The following CD164 variants were observed in gnomAD, a reference collection of about 807,000 sequenced individuals.
CD164 encodes CD164 molecule, also known as sialomucin core protein 24.
In CD164, 11 loss-of-function variants were observed where a neutral mutation model predicts 24.6. That is an observed-to-expected ratio of 0.45 (90% CI 0.28 to 0.74). CD164 has a LOEUF of 0.74. Among genes scored for constraint, CD164 ranks in the 30% least tolerant of loss-of-function variants. CD164 has a pLI of 0.13. For synonymous variants in CD164, 126 were observed against 100.3 expected (o/e 1.26, Z -1.53); for missense variants, 295 against 243.7 (o/e 1.21, Z -1.40).
At position 109,376,784 on chromosome 6, in the gene CD164, T is replaced by C. The variant is rs1771434260; in HGVS notation, c.332-672A>G. Among the ~76,000 whole-genome samples the C allele has an allele frequency of 2.0e-5, 3 of 152,230 alleles. No individual in the cohort carries two copies. The South Asian group carries it at 6.2e-4, about 32-fold the overall frequency. ...TCATTAATCTTGTCTCTAAGCAATATTACAAAACCACAGGTCTGACAGTTA... is the reference window on the plus strand; with the variant it reads ...TCATTAATCTTGTCTCTAAGCAATACTACAAAACCACAGGTCTGACAGTTA... On this transcript the variant is annotated intron_variant, in intron 3 of 5. Coordinates refer to ENST00000310786, the MANE Select transcript of CD164 (RefSeq NM_006016.6).
chr6:109,377,837 T>G (rs1294203590), intron 3 of CD164, 63 bp downstream of exon 3: 1 of 1,191,906 alleles, frequency 8.4e-7, no homozygotes. Context: ...CAAGGCTTTC[T>G]GAGGCAATGA....
intron 2 of CD164, among the ~76,000 whole-genome samples, chr6:109,378,204 T>A (rs1771530192): frequency 6.6e-6 from 1 of 152,192 alleles, no homozygotes; most frequent in Admixed American, 6.5e-5. Context: ...CCATTAAAAA[T>A]CCACATTAAT....
At position 109,382,277 on chromosome 6, in the gene CD164, C is replaced by T; in HGVS notation, c.102G>A (p.Thr34=). 2 of 1,588,366 alleles carry T rather than the reference C, an allele frequency of 1.3e-6. No individual in the cohort carries two copies. The highest frequency in any genetic ancestry group is 2.3e-5 in the East Asian group (1 of 43,602). ...TTACGTTGGAGATGGGCGCTAAAGTCGTCACGTTCGGGTGCTGGGTCGTGT... is the reference window on the plus strand; with the variant it reads ...TTACGTTGGAGATGGGCGCTAAAGTTGTCACGTTCGGGTGCTGGGTCGTGT... ...DKNTTQHPNV[T]TLAPISNVTS... Residue 34 remains threonine (T), a synonymous_variant, in exon 1 of 6, where the codon ACG becomes ACA. Transcript: ENST00000310786.
In CD164 at chr6:109,377,955, T is replaced by G. The variant is rs556025572; in HGVS notation, c.276A>C (p.Ser92=). The part of the protein sequence containing the change: ...WIECKDESYC[S]HNSTVSDCQV... ...GACAATCACTAACTGTTGAGTTATGTGAACAATAGCTCTCATCTGTTGGGG... is the reference window on the plus strand; with the variant it reads ...GACAATCACTAACTGTTGAGTTATGGGAACAATAGCTCTCATCTGTTGGGG... The change falls in exon 3 of 6, where the codon TCA becomes TCC. Residue 92 remains serine (S), a synonymous_variant. Transcript: ENST00000310786. 2 of 1,613,424 alleles carry G rather than the reference T, an allele frequency of 1.2e-6. No individual in the cohort carries two copies. Among genetic ancestry groups the G allele is most frequent in the Admixed American group, 3.3e-5 (2 of 60,000 alleles).
intron 1 of CD164, among the ~76,000 whole-genome samples, chr6:109,380,911 C>G (rs776790576): frequency 1.3e-5 from 2 of 152,224 alleles, no homozygotes; most frequent in Non-Finnish European, 2.9e-5. Flanking sequence ...TATTATACTG[C>G]AATTTACTTC....
chr6:109,369,274 A>C (rs1229433266), intron 5 of CD164, among the ~76,000 whole-genome samples: 1 of 152,224 alleles, frequency 6.6e-6, no homozygotes, highest in Non-Finnish European at 1.5e-5. Flanking sequence ...CCTAGTACAT[A>C]AATTGTGCCC....
intron 4 of CD164, among the ~76,000 whole-genome samples, chr6:109,375,472 T>C (rs959278182): frequency 2.0e-4 from 31 of 151,620 alleles, no homozygotes; most frequent in African/African-American, 6.8e-4. Flanking sequence ...CAAAAATTAG[T>C]TGGGCATGAT....
chr6:109,377,882 GCCAATATGAA>G lies in CD164; in HGVS notation c.331+8_331+17del, dbSNP rs748825585. The G allele has an allele frequency of 6.2e-7, 1 of 1,602,152 alleles. No homozygotes were observed. The highest frequency in any genetic ancestry group is 1.1e-5 in the South Asian group (1 of 90,846). ...CCTCTCTGCGGTCAGCTTCCAAGCA[GCCAATATGAA>G]TACTTACCGGAACAGAAGTCTGTCG... On this transcript the variant is annotated splice_region_variant and intron_variant, in intron 3 of 5. Coordinates refer to ENST00000310786, the MANE Select transcript of CD164 (RefSeq NM_006016.6).
intron 1 of CD164, chr6:109,381,777 GAAC>G (rs1771765226): frequency 3.5e-6 from 2 of 574,066 alleles, no homozygotes; most frequent in African/African-American, 3.8e-5. Flanking sequence ...CCGGGAGGGT[GAAC>G]AACCAGTGGC....
rs145666240 is a variant in CD164, at chr6:109,375,880, T to C, written c.370+194A>G. The C allele has an allele frequency of 0.013, 6,858 of 534,822 alleles. 64 individuals are homozygous for C. Among genetic ancestry groups the C allele is most frequent in the Non-Finnish European group, 0.015 (4,731 of 311,082 alleles). The allele number at this position is 534,822 out of a possible 1,614,324, so 33.1% of individuals were successfully genotyped here. ...AGCAAATCTGCTCACATTCACCGAC[T>C]ATAAAACACTGGAGCTATGTGTCAC... is the stretch of plus-strand genomic sequence containing the variant. On this transcript the variant is annotated intron_variant, in intron 4 of 5. Coordinates refer to ENST00000310786, the MANE Select transcript of CD164 (RefSeq NM_006016.6).
intron 1 of CD164, 86 bp from the exon 2 acceptor site, chr6:109,379,748 T>G: frequency 1.0e-6 from 1 of 982,070 alleles, no homozygotes; most frequent in Non-Finnish European, 1.6e-6. Context: ...TTTTGAACAA[T>G]AAGCATTACA....
chr6:109,368,740 T>G lies in CD164; in HGVS notation c.*111A>C, dbSNP rs1007818008. 2.8e-6 allele frequency: 4 copies of G among 1,446,906 alleles called. No homozygotes were observed. The highest frequency in any genetic ancestry group is 3.6e-6 in the Non-Finnish European group (4 of 1,103,410). The allele number at this position is 1,446,906 out of a possible 1,614,324, so 89.6% of individuals were successfully genotyped here. ...ACATCCTATATGCATCCATGGAAAT[T>G]TAAAGATCCTGGAATAGCGTCTTCC... On this transcript the variant is annotated 3_prime_UTR_variant, in exon 6 of 6. Transcript: ENST00000310786.
At chr6:109,377,804 A>G (rs1771498675) in intron 3 of CD164, 96 bp downstream of exon 3, 1 of 822,838 alleles carries the variant, frequency 1.2e-6, no homozygotes, top group South Asian at 1.4e-5. Context: ...AATTATGGCA[A>G]TGCTTCAAAC....
intron 4 of CD164, among the ~76,000 whole-genome samples, chr6:109,375,576 C>T (rs1490410349): frequency 6.9e-6 from 1 of 145,646 alleles, no homozygotes; most frequent in East Asian, 2.0e-4. Context: ...GAGATCGTAC[C>T]ACTGCACTCC....
At chr6:109,369,073 A>T (rs532659093) in intron 5 of CD164, 56 bp from the exon 6 acceptor site, 7 of 1,461,884 alleles carry the variant, frequency 4.8e-6, no homozygotes, top group Middle Eastern at 3.5e-4. Flanking sequence ...CTCTATTGTA[A>T]TTTAAAGATG....
intron 2 of CD164, 22 bp downstream of exon 2, chr6:109,379,557 T>G: frequency 6.5e-7 from 1 of 1,545,694 alleles, no homozygotes. Context: ...CAAAACAGTT[T>G]TGCATCCCCA....
rs1299896354 is a variant in CD164 at position 109,368,952 on chromosome 6, TG to T, written c.492del (p.Ser165ValfsTer15). On this transcript the variant is annotated frameshift_variant, in exon 6 of 6. Transcript: ENST00000310786. LOFTEE classifies it high-confidence loss of function. Reference protein sequence around the residue: ...QPVRKSTFDAASFIGGIVLVL... With the variant: ...QPVRKSTFDAXSFIGGIVLVL... ...ACCAGGACAATTCCTCCAATGAAAC[TG>T]GCTGCATCAAAGGTAGACTTTCGCA... is the stretch of plus-strand genomic sequence containing the variant. 6.2e-7 allele frequency: 1 copy of T among 1,613,846 alleles called. No individual in the cohort carries two copies. Among genetic ancestry groups the T allele is most frequent in the Non-Finnish European group, 8.5e-7 (1 of 1,179,912 alleles).
At chr6:109,369,294 A>C (rs2115140766) in intron 5 of CD164, among the ~76,000 whole-genome samples, 1 of 152,356 alleles carries the variant, frequency 6.6e-6, no homozygotes, top group Non-Finnish European at 1.5e-5. Flanking sequence ...CTGGGAATGT[A>C]TCAAACACTT....
intron 1 of CD164, among the ~76,000 whole-genome samples, chr6:109,380,998 A>G (rs1165713971): frequency 1.3e-5 from 2 of 152,232 alleles, no homozygotes; most frequent in Non-Finnish European, 2.9e-5. Flanking sequence ...ACTTTATTAA[A>G]CTTTTATAAA....
Sources: allele counts gnomAD v4.1 joint callset (sites outside exome capture counted in the v4.1 genomes callset), GRCh38; gene constraint gnomAD v4.1.1; transcripts MANE v1.5; gene names NCBI Gene and HGNC (gene_info 2026-07-23, HGNC 2026-07-21).